The following ADCY2 variants were observed in gnomAD, a reference collection of about 807,000 sequenced individuals.
The protein encoded by ADCY2 is adenylate cyclase type 2.
In ADCY2, 31 loss-of-function variants were observed where a neutral mutation model predicts 125.2. The observed-to-expected ratio is 0.25, with a 90% confidence interval of 0.19 to 0.33. The LOEUF is 0.33. Among genes scored for constraint, ADCY2 ranks in the 10% least tolerant of loss-of-function variants. The pLI is 1.00. For missense variants in ADCY2, 904 were observed against 1,418.2 expected (o/e 0.64, Z 5.82); for synonymous variants, 512 against 548.4 (o/e 0.93, Z 0.93).
intron 8 of ADCY2, 118 bp downstream of exon 8, chr5:7,707,020 C>A: frequency 7.5e-7 from 1 of 1,336,402 alleles, no homozygotes. Flanking sequence ...CTGTTGGTAT[C>A]ATGTTACTCA....
chr5:7,479,724 C>T (rs1389033070), intron 2 of ADCY2, among the ~76,000 whole-genome samples: 1 of 151,936 alleles, frequency 6.6e-6, no homozygotes, highest in Non-Finnish European at 1.5e-5. Context: ...TTATCCATAC[C>T]CAGTGTCCCG....
chr5:7,723,544 T>C (rs1358998633), intron 12 of ADCY2, among the ~76,000 whole-genome samples: 1 of 152,204 alleles, frequency 6.6e-6, no homozygotes, highest in Non-Finnish European at 1.5e-5. Flanking sequence ...AACTGAGAGA[T>C]ACATAGTACT....
At chr5:7,566,733 C>T (rs1283271283) in intron 3 of ADCY2, among the ~76,000 whole-genome samples, 2 of 152,086 alleles carry the variant, frequency 1.3e-5, no homozygotes, top group African/African-American at 4.8e-5. Context: ...ACCTCAGATT[C>T]CTCAGTGGCA....
chr5:7,506,631 A>G (rs779562346), intron 2 of ADCY2, among the ~76,000 whole-genome samples: 23 of 152,258 alleles, frequency 1.5e-4, no homozygotes, highest in Non-Finnish European at 3.2e-4. Flanking sequence ...GTTTTATAAT[A>G]CTAGCTACCT....
chr5:7,745,655 C>T (rs747418114), intron 15 of ADCY2, among the ~76,000 whole-genome samples: 1 of 152,184 alleles, frequency 6.6e-6, no homozygotes, highest in Admixed American at 6.5e-5. Flanking sequence ...TCCTTGCCCC[C>T]ACAAATCTCC....
intron 2 of ADCY2, among the ~76,000 whole-genome samples, chr5:7,442,641 C>T (rs1396931236): frequency 2.6e-5 from 4 of 152,154 alleles, no homozygotes; most frequent in Non-Finnish European, 4.4e-5. Flanking sequence ...ATCTCTCACT[C>T]ACCCTGGTTT....
At chr5:7,597,999 G>A (rs1402472110) in intron 3 of ADCY2, among the ~76,000 whole-genome samples, 1 of 152,120 alleles carries the variant, frequency 6.6e-6, no homozygotes, top group Non-Finnish European at 1.5e-5. Context: ...CCTGGAACAT[G>A]CCCAGCACAA....
intron 1 of ADCY2, among the ~76,000 whole-genome samples, chr5:7,409,708 ACATCTTTTCTTGTTTGCATTTT>A (rs1739638348): frequency 2.6e-5 from 4 of 152,198 alleles, no homozygotes; most frequent in African/African-American, 9.6e-5. Flanking sequence ...AAATCCTTTA[ACATCTTTTCTTGTTTGCATTTT>A]TATTTTATTT....
chr5:7,420,321 C>T (rs112118038), intron 2 of ADCY2, among the ~76,000 whole-genome samples: 1 of 152,022 alleles, frequency 6.6e-6, no homozygotes, highest in Non-Finnish European at 1.5e-5. Flanking sequence ...TGCCACGGCA[C>T]GACTGAAGAG....
At chr5:7,461,190 C>T (rs1318572099) in intron 2 of ADCY2, among the ~76,000 whole-genome samples, 1 of 152,074 alleles carries the variant, frequency 6.6e-6, no homozygotes, top group Non-Finnish European at 1.5e-5. Flanking sequence ...AACCTTACAA[C>T]CTTAGAGACC....
chr5:7,524,531 G>A (rs569082153), intron 3 of ADCY2, among the ~76,000 whole-genome samples: 2 of 152,182 alleles, frequency 1.3e-5, no homozygotes, highest in African/African-American at 4.8e-5. Context: ...ATGACACATG[G>A]CAATGTGTTC....
At chr5:7,704,432 T>C (rs1231230646) in intron 7 of ADCY2, among the ~76,000 whole-genome samples, 2 of 152,204 alleles carry the variant, frequency 1.3e-5, no homozygotes, top group Non-Finnish European at 2.9e-5. Context: ...ACATGTAAAT[T>C]ATTTTTAATC....
At chr5:7,579,180 C>G (rs1004853104) in intron 3 of ADCY2, among the ~76,000 whole-genome samples, 1 of 152,128 alleles carries the variant, frequency 6.6e-6, no homozygotes, top group Non-Finnish European at 1.5e-5. Context: ...CCTGAAGGCA[C>G]TGGAAAGTGG....
At chr5:7,476,677 G>C (rs1742536786) in intron 2 of ADCY2, among the ~76,000 whole-genome samples, 1 of 152,122 alleles carries the variant, frequency 6.6e-6, no homozygotes, top group Admixed American at 6.5e-5. Flanking sequence ...TCTCAGAGCT[G>C]ATTCTTATGG....
In ADCY2 at chr5:7,827,178, A is replaced by T; in HGVS notation, c.*307A>T. The T allele has an allele frequency of 3.4e-6, 1 of 290,556 alleles. No homozygotes were observed. 18.0% of individuals were successfully genotyped at this position (290,556 alleles called of 1,614,324 possible). On this transcript the variant is annotated 3_prime_UTR_variant, in exon 25 of 25. Transcript: ENST00000338316. ...CACACATTCTTAAGGCAATAAAACT[A>T]GGGGGTGTATATTATCTTCTGGTGC...
intron 2 of ADCY2, among the ~76,000 whole-genome samples, chr5:7,463,144 C>T (rs1009184530): frequency 6.6e-6 from 1 of 152,172 alleles, no homozygotes; most frequent in African/African-American, 2.4e-5. Flanking sequence ...ATAAACATAC[C>T]TATAAAATTG....
chr5:7,711,389 C>T (rs1579344224), intron 10 of ADCY2, among the ~76,000 whole-genome samples: 2 of 152,308 alleles, frequency 1.3e-5, no homozygotes. Flanking sequence ...TGTCTGATAA[C>T]TCCATTTCCC....
intron 2 of ADCY2, among the ~76,000 whole-genome samples, chr5:7,486,778 A>G (rs369898321): frequency 1.4e-3 from 207 of 152,352 alleles, no homozygotes; most frequent in African/African-American, 4.7e-3. Flanking sequence ...GCTGACTTGC[A>G]GGTAAAATGA....
intron 4 of ADCY2, among the ~76,000 whole-genome samples, chr5:7,682,714 T>C (rs1740380986): frequency 6.6e-6 from 1 of 152,200 alleles, no homozygotes; most frequent in African/African-American, 2.4e-5. Flanking sequence ...CAGAGGAGCC[T>C]CATTGCCTCC....
Sources: gnomAD v4.1 joint callset for allele counts (sites outside exome capture counted in the v4.1 genomes callset) on GRCh38, gnomAD v4.1.1 for gene constraint, MANE v1.5 for transcripts, NCBI Gene and HGNC (gene_info 2026-07-23, HGNC 2026-07-21) for gene names.